Variants in RB1 observed in about 807,000 individuals in gnomAD.
The protein encoded by RB1 is retinoblastoma-associated protein.
Under a neutral mutation model 135.4 loss-of-function variants are expected in RB1, and 18 were observed. That is an observed-to-expected ratio of 0.13 (90% CI 0.09 to 0.20). The LOEUF (loss-of-function observed/expected upper bound fraction) is 0.20, where lower values mean the gene tolerates loss of function less well. RB1 is among the 10% of genes least tolerant of loss of function. RB1 has a pLI of 1.00. For synonymous variants in RB1, 365 were observed against 373.2 expected (o/e 0.98, Z 0.25); for missense variants, 868 against 1,110.0 (o/e 0.78, Z 3.10).
intron 17 of RB1, among the ~76,000 whole-genome samples, chr13:48,446,388 C>T (rs548751937): frequency 6.6e-6 from 1 of 152,258 alleles, no homozygotes; most frequent in African/African-American, 2.4e-5. Flanking sequence ...TTACTGTGTG[C>T]CAGGTAGTTT....
At chr13:48,359,464 GATA>G (rs778107092) in intron 6 of RB1, among the ~76,000 whole-genome samples, 43 of 148,100 alleles carry the variant, frequency 2.9e-4, no homozygotes, top group Non-Finnish European at 5.7e-4. Flanking sequence ...TAAATTTTTA[GATA>G]ATGAGAATTA....
chr13:48,318,809 C>T (rs1952209234), intron 2 of RB1: 1 of 899,816 alleles, frequency 1.1e-6, no homozygotes, highest in Non-Finnish European at 1.8e-6. Context: ...CCTGGGCAGC[C>T]TGCGAGCAGC....
chr13:48,340,902 C>G (rs1952437328), intron 2 of RB1: 1 of 152,942 alleles, frequency 6.5e-6, no homozygotes, highest in Non-Finnish European at 1.5e-5. Context: ...AAGTATGTAA[C>G]ATAGTTTCAA....
In RB1 at chr13:48,456,288, C is replaced by A. The variant is rs1593532035; in HGVS notation, c.1899C>A (p.Thr633=). 1.2e-6 allele frequency: 2 copies of A among 1,614,184 alleles called. No homozygotes were observed. Among genetic ancestry groups the A allele is most frequent in the Non-Finnish European group, 1.7e-6 (2 of 1,180,030 alleles). ...CTGCAAATGCAGAGACACAAGCAACCTCAGCCTTCCAGACCCAGAAGCCAT... is the reference window on the plus strand; with the variant it reads ...CTGCAAATGCAGAGACACAAGCAACATCAGCCTTCCAGACCCAGAAGCCAT... ...NSTANAETQA[T]SAFQTQKPLK... The change falls in exon 19 of 27, where the codon ACC becomes ACA. Residue 633 remains threonine (T), a synonymous_variant. Transcript: ENST00000267163.
At chr13:48,366,044 A>G (rs1324865031) in intron 9 of RB1, among the ~76,000 whole-genome samples, 1 of 152,200 alleles carries the variant, frequency 6.6e-6, no homozygotes, top group East Asian at 1.9e-4. Context: ...TCAAAGGTGC[A>G]GTGATGTATG....
intron 23 of RB1, 112 bp downstream of exon 23, chr13:48,465,480 T>G: frequency 8.9e-7 from 1 of 1,124,088 alleles, no homozygotes; most frequent in Non-Finnish European, 1.3e-6. Flanking sequence ...CTCTTGAAAC[T>G]CTATTTGCTT....
At chr13:48,365,934 G>A (rs1386923614) in intron 9 of RB1, among the ~76,000 whole-genome samples, 1 of 152,138 alleles carries the variant, frequency 6.6e-6, no homozygotes, top group African/African-American at 2.4e-5. Context: ...ATCCAAACTA[G>A]GGCTGATAGG....
intron 17 of RB1, among the ~76,000 whole-genome samples, chr13:48,382,183 G>A (rs1251190595): frequency 6.6e-6 from 1 of 152,146 alleles, no homozygotes; most frequent in African/African-American, 2.4e-5. Context: ...GTGTGCATGT[G>A]TCTTTATAGC....
chr13:48,422,130 AT>A (rs879738006), intron 17 of RB1, among the ~76,000 whole-genome samples: 2 of 152,228 alleles, frequency 1.3e-5, no homozygotes, highest in Non-Finnish European at 2.9e-5. Context: ...ATGCGCATCA[AT>A]GATAGACAGG....
At chr13:48,412,736 G>T in intron 17 of RB1, 1 of 375,692 alleles carries the variant, frequency 2.7e-6, no homozygotes, top group South Asian at 2.9e-5. Flanking sequence ...CAACCCATAG[G>T]ATTATAAATT....
chr13:48,315,318 T>C (rs1952172322), intron 2 of RB1, among the ~76,000 whole-genome samples: 1 of 152,234 alleles, frequency 6.6e-6, no homozygotes. Flanking sequence ...GGTTGCATTC[T>C]TGATTTGGCT....
chr13:48,431,098 G>A (rs927789045), intron 17 of RB1, among the ~76,000 whole-genome samples: 4 of 151,582 alleles, frequency 2.6e-5, no homozygotes, highest in Non-Finnish European at 5.9e-5. Flanking sequence ...TTACAGAATA[G>A]TTAAATGACA....
chr13:48,410,480 C>T (rs1045886996), intron 17 of RB1, among the ~76,000 whole-genome samples: 3 of 152,158 alleles, frequency 2.0e-5, no homozygotes, highest in East Asian at 1.9e-4. Flanking sequence ...ATAAGCAACA[C>T]GTGACAGTAT....
intron 17 of RB1, chr13:48,417,087 C>T (rs1164181107): frequency 1.3e-5 from 2 of 152,432 alleles, no homozygotes; most frequent in African/African-American, 4.8e-5. Flanking sequence ...AAGGGACAGA[C>T]TGCCTCCTCA....
intron 16 of RB1, among the ~76,000 whole-genome samples, chr13:48,380,864 A>G (rs989231023): frequency 6.6e-6 from 1 of 152,190 alleles, no homozygotes; most frequent in African/African-American, 2.4e-5. Flanking sequence ...TTTTAATGAG[A>G]TACCATTTTG....
intron 17 of RB1, among the ~76,000 whole-genome samples, chr13:48,437,740 G>A (rs1243196222): frequency 6.6e-6 from 1 of 152,124 alleles, no homozygotes; most frequent in Non-Finnish European, 1.5e-5. Context: ...AACCTAAGAT[G>A]GAAACTGCAG....
At chr13:48,416,774 G>A (rs2138223118) in intron 17 of RB1, among the ~76,000 whole-genome samples, 1 of 152,294 alleles carries the variant, frequency 6.6e-6, no homozygotes, top group East Asian at 1.9e-4. Flanking sequence ...CATTACTGAG[G>A]CTTGAGTAGG....
chr13:48,308,127 GTATA>G (rs1952100719), intron 2 of RB1, among the ~76,000 whole-genome samples: 1 of 151,806 alleles, frequency 6.6e-6, no homozygotes, highest in East Asian at 1.9e-4. Context: ...AAGTATAGAT[GTATA>G]TGTTTAATAA....
chr13:48,334,321 G>T (rs1362095427), intron 2 of RB1, among the ~76,000 whole-genome samples: 1 of 152,154 alleles, frequency 6.6e-6, no homozygotes, highest in Admixed American at 6.5e-5. Context: ...CTAGACTGCT[G>T]TAAGCTCATA....
Sources: allele counts gnomAD v4.1 joint callset (sites outside exome capture counted in the v4.1 genomes callset), GRCh38; gene constraint gnomAD v4.1.1; transcripts MANE v1.5; gene names NCBI Gene and HGNC (gene_info 2026-07-23, HGNC 2026-07-21).